OTC: variants seen among roughly 807,000 people sequenced by gnomAD.
The protein encoded by OTC is ornithine transcarbamylase, also known as ornithine transcarbamylase, mitochondrial.
In OTC, 3 loss-of-function variants were observed where a neutral mutation model predicts 30.3. The ratio of observed to expected loss-of-function variants is 0.10; its 90% CI spans 0.05 to 0.26. The LOEUF (loss-of-function observed/expected upper bound fraction) is 0.26, where lower values mean the gene tolerates loss of function less well. Among genes scored for constraint, OTC ranks in the 10% least tolerant of loss-of-function variants. The probability of loss-of-function intolerance (pLI) is 1.00; values close to 1 mark genes in which losing one functional copy is unlikely to be tolerated. For synonymous variants in OTC, 111 were observed against 99.7 expected (o/e 1.11, Z -0.67); for missense variants, 194 against 260.3 (o/e 0.75, Z 1.75).
intron 4 of OTC, among the ~76,000 whole-genome samples, chrX:38,398,860 C>T (rs977438463): frequency 3.6e-5 from 4 of 111,369 alleles, no homozygotes; most frequent in Admixed American, 9.6e-5. Flanking sequence ...CACTTAGTTC[C>T]GATACACACC....
intron 9 of OTC, among the ~76,000 whole-genome samples, chrX:38,416,916 C>T (rs1042410378): frequency 8.9e-6 from 1 of 111,808 alleles, no homozygotes; most frequent in African/African-American, 3.2e-5. Context: ...GTGTCTTTTA[C>T]CTGGTAGACA....
At chrX:38,346,091 A>G in the OTC span, among the ~76,000 whole-genome samples, 2 of 111,549 alleles carry the variant, frequency 1.8e-5, no homozygotes, top group East Asian at 5.6e-4. Flanking sequence ...ATTGCATTCT[A>G]GCATGGGTGA....
In OTC at chrX:38,405,332, A is replaced by T. The variant is rs144734775; in HGVS notation, c.663+1592A>T. Among the ~76,000 whole-genome samples the T allele has an allele frequency of 1.3e-3, 145 of 111,787 alleles. 1 individual carries two copies. Among genetic ancestry groups the T allele is most frequent in the East Asian group, 7.6e-3 (27 of 3,553 alleles). ...CTCTTTCACAGTTTTGGAGACTAGA[A>T]GTTTGAAATCAAGGTGTTGACAGGC... On this transcript the variant is annotated intron_variant, in intron 6 of 9. Coordinates refer to ENST00000039007, the MANE Select transcript of OTC (RefSeq NM_000531.6).
chrX:38,411,750 C>T, intron 8 of OTC, 112 bp from the exon 9 acceptor site: 1 of 672,768 alleles, frequency 1.5e-6, no homozygotes, highest in South Asian at 2.2e-5. Flanking sequence ...CTTTGTCTCT[C>T]CCTTTGCATT....
At chrX:38,367,776 G>C (rs1320899448) in intron 2 of OTC, among the ~76,000 whole-genome samples, 1 of 110,151 alleles carries the variant, frequency 9.1e-6, no homozygotes, top group Admixed American at 9.7e-5. Flanking sequence ...GGAGTGCATT[G>C]GCGTGATCTT....
chrX:38,359,651 C>T (rs184738246), intron 1 of OTC, among the ~76,000 whole-genome samples: 1,405 of 110,920 alleles, frequency 0.013, 23 homozygotes, highest in African/African-American at 0.044. Flanking sequence ...GAACTCCTGA[C>T]GTCAGGTGAT....
intron 1 of OTC, among the ~76,000 whole-genome samples, chrX:38,353,495 T>C (rs777998697): frequency 8.9e-6 from 1 of 111,787 alleles, no homozygotes; most frequent in African/African-American, 3.2e-5. Flanking sequence ...AACAGTTTCA[T>C]GTTAATAATG....
intron 1 of OTC, among the ~76,000 whole-genome samples, chrX:38,362,191 A>T (rs187570395): frequency 3.6e-5 from 4 of 112,047 alleles, no homozygotes; most frequent in African/African-American, 1.3e-4. Context: ...CTAGATGAAT[A>T]AATTCTAGAG....
intron 3 of OTC, among the ~76,000 whole-genome samples, chrX:38,375,721 T>TTA (rs1311662662): frequency 9.0e-6 from 1 of 111,582 alleles, no homozygotes; most frequent in East Asian, 2.8e-4. Flanking sequence ...AGCAAAGATG[T>TTA]TAAAAAAAAG....
intron 1 of OTC, among the ~76,000 whole-genome samples, chrX:38,363,818 C>T (rs1284365317): frequency 9.0e-6 from 1 of 111,538 alleles, no homozygotes; most frequent in Non-Finnish European, 1.9e-5. Context: ...TATCTACAAA[C>T]TTATTTTTAA....
At chrX:38,332,390 C>A in the OTC span, among the ~76,000 whole-genome samples, 1 of 102,223 alleles carries the variant, frequency 9.8e-6, no homozygotes, top group Non-Finnish European at 2.0e-5. Context: ...CCTCACCCCC[C>A]ATCCCCTGTC....
At chrX:38,334,590 G>A in the OTC span, among the ~76,000 whole-genome samples, 1 of 112,353 alleles carries the variant, frequency 8.9e-6, no homozygotes, top group East Asian at 2.8e-4. Flanking sequence ...CTCAGCAGAA[G>A]CAATACATGT....
chrX:38,380,756 T>G (rs1282082603), intron 3 of OTC, among the ~76,000 whole-genome samples: 5 of 111,459 alleles, frequency 4.5e-5, no homozygotes, highest in Non-Finnish European at 7.5e-5. Context: ...TCAGACAGAG[T>G]CTTGCTCTGT....
At chrX:38,381,899 A>T (rs1467938313) in intron 4 of OTC, among the ~76,000 whole-genome samples, 2 of 112,483 alleles carry the variant, frequency 1.8e-5, no homozygotes, top group African/African-American at 6.5e-5. Context: ...AAACAACTTA[A>T]TTAGGCACAG....
At chrX:38,390,362 T>C (rs762825676) in intron 4 of OTC, among the ~76,000 whole-genome samples, 1 of 112,458 alleles carries the variant, frequency 8.9e-6, no homozygotes, top group Non-Finnish European at 1.9e-5. Context: ...GTTTATCTCA[T>C]AATCAATTTA....
At chrX:38,340,460 TTTTTTTTTTTTTG>T in the OTC span, among the ~76,000 whole-genome samples, 63 of 43,483 alleles carry the variant, frequency 1.4e-3, no homozygotes, top group East Asian at 0.014. Context: ...TGTTTTTTTG[TTTTTTTTTTTTTG>T]TTTTTTTTTT....
chrX:38,369,032 A>C (rs753349420), intron 2 of OTC, among the ~76,000 whole-genome samples: 20 of 110,149 alleles, frequency 1.8e-4, no homozygotes, highest in Admixed American at 6.8e-4. Context: ...TGCATGATGA[A>C]TGTGTAGCTA....
At chrX:38,386,486 C>T (rs1156877252) in intron 4 of OTC, among the ~76,000 whole-genome samples, 1 of 110,490 alleles carries the variant, frequency 9.1e-6, no homozygotes, top group Non-Finnish European at 1.9e-5. Flanking sequence ...CCCTGGCAAC[C>T]ACCATTCTAC....
intron 4 of OTC, among the ~76,000 whole-genome samples, chrX:38,388,382 G>A (rs977978536): frequency 1.8e-5 from 2 of 110,751 alleles, no homozygotes; most frequent in Non-Finnish European, 3.8e-5. Flanking sequence ...AGATGTGAGG[G>A]TATTTTCAGA....
Sources: allele counts gnomAD v4.1 joint callset (sites outside exome capture counted in the v4.1 genomes callset), GRCh38; gene constraint gnomAD v4.1.1; transcripts MANE v1.5; gene names NCBI Gene and HGNC (gene_info 2026-07-23, HGNC 2026-07-21).